POLK: variants seen among roughly 807,000 people sequenced by gnomAD.
POLK encodes polymerase (DNA directed) kappa.
In POLK, 76 loss-of-function variants were observed where a neutral mutation model predicts 94.0. That is an observed-to-expected ratio of 0.81 (90% confidence interval 0.67 to 0.98). POLK has a LOEUF of 0.98. Among genes scored for constraint, POLK ranks in the 50% least tolerant of loss-of-function variants. POLK has a pLI of 0.00. For missense variants in POLK, 954 were observed against 1,010.1 expected (o/e 0.94, Z 0.75); for synonymous variants, 349 against 325.4 (o/e 1.07, Z -0.78).
intron 11 of POLK, among the ~76,000 whole-genome samples, chr5:75,592,400 T>G (rs536888054): frequency 2.5e-4 from 38 of 152,340 alleles, no homozygotes; most frequent in African/African-American, 8.7e-4. Flanking sequence ...CTTTCCCTCT[T>G]GTAATGGTCT....
chr5:75,556,521 G>A (rs1187674847), intron 3 of POLK, among the ~76,000 whole-genome samples: 1 of 151,954 alleles, frequency 6.6e-6, no homozygotes, highest in Non-Finnish European at 1.5e-5. Flanking sequence ...TTTTAATGAA[G>A]TCTAGTTTAT....
intron 3 of POLK, among the ~76,000 whole-genome samples, chr5:75,555,643 C>T (rs200619660): frequency 3.3e-5 from 5 of 151,992 alleles, no homozygotes; most frequent in South Asian, 2.1e-4. Flanking sequence ...CTCCACCTCC[C>T]GGGTTCAAGC....
At chr5:75,588,328 A>G (rs971553863) in intron 10 of POLK, among the ~76,000 whole-genome samples, 4 of 152,242 alleles carry the variant, frequency 2.6e-5, no homozygotes, top group African/African-American at 9.6e-5. Context: ...CTTCTCTAAT[A>G]TAGAAAGAAC....
At chr5:75,554,503 A>T (rs1051709228) in intron 3 of POLK, among the ~76,000 whole-genome samples, 2 of 151,502 alleles carry the variant, frequency 1.3e-5, no homozygotes, top group Non-Finnish European at 2.9e-5. Flanking sequence ...TTCAAAATTT[A>T]TTTTTTTTAA....
At chr5:75,516,740 A>G (rs566077538) in intron 1 of POLK, among the ~76,000 whole-genome samples, 3 of 152,344 alleles carry the variant, frequency 2.0e-5, no homozygotes, top group African/African-American at 7.2e-5. Context: ...ACATTTTTCT[A>G]GTAGTTTCAT....
At chr5:75,517,307 A>G (rs1260971685) in intron 1 of POLK, among the ~76,000 whole-genome samples, 1 of 151,980 alleles carries the variant, frequency 6.6e-6, no homozygotes, top group African/African-American at 2.4e-5. Context: ...TGTGTCTTCA[A>G]TTTTCTTCAT....
chr5:75,571,769 C>T (rs1465150741), intron 4 of POLK, among the ~76,000 whole-genome samples: 1 of 152,176 alleles, frequency 6.6e-6, no homozygotes, highest in African/African-American at 2.4e-5. Context: ...GGAACTAGAA[C>T]CCACTTTTGA....
At chr5:75,554,556 A>C (rs1770501950) in intron 3 of POLK, among the ~76,000 whole-genome samples, 1 of 152,072 alleles carries the variant, frequency 6.6e-6, no homozygotes, top group Non-Finnish European at 1.5e-5. Flanking sequence ...TTATATAAAT[A>C]AACTGGTGTC....
rs1030684376 is a variant in POLK, at chr5:75,511,792, G to A, written c.-136G>A. 9.7e-6 allele frequency: 15 copies of A among 1,551,462 alleles called. No homozygotes were observed. In the African/African-American group the frequency reaches 1.8e-4, roughly 18 times the overall value. Reference sequence around the variant, plus strand: ...CTCCCGGGTGACGACGGGTAGAAAAGCAGGAGGAGCGGAGAAAGGAGAGGG... The same window carrying A: ...CTCCCGGGTGACGACGGGTAGAAAAACAGGAGGAGCGGAGAAAGGAGAGGG... On this transcript the variant is annotated 5_prime_UTR_variant, in exon 1 of 15. Transcript: ENST00000241436.
chr5:75,586,611 G>A (rs1772483534), intron 9 of POLK, among the ~76,000 whole-genome samples: 2 of 152,224 alleles, frequency 1.3e-5, no homozygotes, highest in South Asian at 4.1e-4. Context: ...ATAATGAATA[G>A]GCTATGGGAG....
At chr5:75,600,111 A>G (rs1197363238) in exon 15 of POLK, 1 of 152,156 alleles carries the variant, frequency 6.6e-6, no homozygotes, top group East Asian at 1.9e-4. Context: ...TAGTGTCCAG[A>G]ATATATAAAT....
intron 3 of POLK, among the ~76,000 whole-genome samples, chr5:75,565,633 G>A (rs1318484177): frequency 6.6e-6 from 1 of 152,110 alleles, no homozygotes; most frequent in East Asian, 1.9e-4. Flanking sequence ...CTTCTAGCAG[G>A]ACCCTCTTCT....
At chr5:75,518,823 T>C (rs1231772152) in intron 1 of POLK, among the ~76,000 whole-genome samples, 5 of 152,224 alleles carry the variant, frequency 3.3e-5, no homozygotes, top group Admixed American at 2.6e-4. Context: ...GTTTCCATTG[T>C]CATTTGATTC....
At chr5:75,589,800 A>G (rs1772683986) in intron 10 of POLK, among the ~76,000 whole-genome samples, 2 of 152,220 alleles carry the variant, frequency 1.3e-5, no homozygotes, top group East Asian at 1.9e-4. Context: ...TCACTTGTCA[A>G]CTTCTTTCAA....
chr5:75,584,907 G>GCTA lies in POLK; in HGVS notation c.1207_1208insCTA (p.Gly403delinsAlaSer). The GCTA allele has an allele frequency of 1.9e-6, 3 of 1,597,660 alleles. No individual in the cohort carries two copies. In the South Asian group the frequency reaches 3.4e-5, roughly 18 times the overall value. On this transcript the variant is annotated protein_altering_variant, in exon 9 of 15. Coordinates refer to ENST00000241436, the Ensembl canonical transcript of POLK. ...TTTCCTTCATATCTCCTTGGGTCTA[G>GCTA]GTTCAACACACCTGACGAGGTATCT... is the stretch of plus-strand genomic sequence containing the variant.
At chr5:75,530,870 C>T (rs1182274529) in intron 1 of POLK, among the ~76,000 whole-genome samples, 23 of 148,674 alleles carry the variant, frequency 1.5e-4, no homozygotes, top group Non-Finnish European at 3.1e-4. Context: ...TGCCGTGGCG[C>T]GATGTCCGCT....
At chr5:75,530,196 A>G (rs1769080901) in intron 1 of POLK, among the ~76,000 whole-genome samples, 2 of 142,952 alleles carry the variant, frequency 1.4e-5, no homozygotes, top group Non-Finnish European at 3.1e-5. Context: ...ATTTTTCTTT[A>G]TGTTTCTCAC....
chr5:75,543,791 G>C (rs1410222351), intron 1 of POLK, among the ~76,000 whole-genome samples: 2 of 152,104 alleles, frequency 1.3e-5, no homozygotes, highest in African/African-American at 2.4e-5. Context: ...CAATTCTTTT[G>C]ATTCAAGCAC....
At chr5:75,535,791 A>G (rs1310271607) in intron 1 of POLK, among the ~76,000 whole-genome samples, 2 of 152,084 alleles carry the variant, frequency 1.3e-5, no homozygotes, top group East Asian at 3.9e-4. Flanking sequence ...TGTGTTTTTC[A>G]TCTCTATCAG....
Sources: gnomAD v4.1 joint callset for allele counts (sites outside exome capture counted in the v4.1 genomes callset) on GRCh38, gnomAD v4.1.1 for gene constraint, MANE v1.5 for transcripts, NCBI Gene and HGNC (gene_info 2026-07-23, HGNC 2026-07-21) for gene names.